Variants in HIRA observed in about 807,000 individuals in gnomAD.
HIRA encodes histone cell cycle regulator, also known as protein HIRA.
HIRA carries 13 observed loss-of-function variants against 126.6 expected under a neutral mutation model. The ratio of observed to expected loss-of-function variants is 0.10; its 90% confidence interval spans 0.07 to 0.16. The LOEUF (loss-of-function observed/expected upper bound fraction) is 0.16. Ranked by LOEUF, HIRA falls within the 10% of genes least tolerant of loss-of-function variation. The pLI, the probability that HIRA is intolerant of heterozygous loss-of-function variation, is 1.00. For synonymous variants in HIRA, 511 were observed against 520.0 expected, an observed-to-expected ratio of 0.98 and a Z score of 0.24; for missense variants, 834 against 1,314.4, an observed-to-expected ratio of 0.63 and a Z score of 5.65.
intron 13 of HIRA, among the ~76,000 whole-genome samples, chr22:19,380,065 C>A (rs916302993): frequency 5.9e-5 from 9 of 152,066 alleles, no homozygotes; most frequent in Non-Finnish European, 5.9e-5. Flanking sequence ...CCTCAGCCTC[C>A]GAAAGTGCTG....
At chr22:19,353,275 T>G in intron 23 of HIRA, 81 bp downstream of exon 23, 6 of 1,552,502 alleles carry the variant, frequency 3.9e-6, no homozygotes, top group Non-Finnish European at 5.3e-6. Context: ...ATCTTTTCCC[T>G]GATTTCACAG....
At chr22:19,340,547 C>T (rs1488788399) in intron 24 of HIRA, among the ~76,000 whole-genome samples, 3 of 152,056 alleles carry the variant, frequency 2.0e-5, no homozygotes, top group Non-Finnish European at 4.4e-5. Flanking sequence ...AAATAAAGGG[C>T]ATCCAAATAT....
intron 9 of HIRA, among the ~76,000 whole-genome samples, chr22:19,391,163 A>T (rs2089177644): frequency 6.6e-6 from 1 of 152,236 alleles, no homozygotes; most frequent in South Asian, 2.1e-4. Context: ...CACCGAAATT[A>T]TAAGGAATAA....
intron 1 of HIRA, among the ~76,000 whole-genome samples, chr22:19,430,462 G>A (rs1056180660): frequency 6.6e-6 from 1 of 152,248 alleles, no homozygotes; most frequent in East Asian, 1.9e-4. Flanking sequence ...ATCTATTCTC[G>A]CTCCTAAAGA....
rs1422357641 is a variant in HIRA, at chr22:19,397,986, C to G, written c.493+6G>C. ...TGCTGTTAACCAGTCAGAGGAGGCC[C>G]CAGACCTGGGAACTTTACAGCATTC... is the stretch of plus-strand genomic sequence containing the variant. On this transcript the variant is annotated splice_donor_region_variant and intron_variant, in intron 6 of 24. Coordinates refer to ENST00000263208, the MANE Select transcript of HIRA (RefSeq NM_003325.4). The G allele has an allele frequency of 1.2e-6, 2 of 1,612,236 alleles. No homozygotes were observed. Among genetic ancestry groups the G allele is most frequent in the African/African-American group, 2.7e-5 (2 of 74,822 alleles).
chr22:19,386,076 C>A (rs1324951906), intron 11 of HIRA, among the ~76,000 whole-genome samples: 1 of 152,226 alleles, frequency 6.6e-6, no homozygotes, highest in Admixed American at 6.5e-5. Context: ...AAGGTGCTAA[C>A]TTAAGGCTCT....
intron 24 of HIRA, among the ~76,000 whole-genome samples, chr22:19,349,646 A>G (rs2088732506): frequency 6.6e-6 from 1 of 152,204 alleles, no homozygotes; most frequent in African/African-American, 2.4e-5. Flanking sequence ...AAGTCTATGG[A>G]ACAATGCCTT....
At position 19,377,931 on chromosome 22, in the gene HIRA, A is replaced by G; in HGVS notation, c.1551T>C (p.Pro517=). 1 of 1,613,928 alleles carries G rather than the reference A, an allele frequency of 6.2e-7. No homozygotes were observed. Among genetic ancestry groups the G allele is most frequent in the South Asian group, 1.1e-5 (1 of 91,050 alleles). The change falls in exon 14 of 25, where the codon CCT becomes CCC. Residue 517 remains proline, a synonymous_variant. Transcript: ENST00000263208. ...STPNSFGASK[P]CTEPVVAASA... is the part of the protein sequence containing the mutation. ...TGGCAGCCACCACAGGCTCTGTGCAAGGCTTCGAGGCGCCGAAGGAGTTAG... is the reference window on the plus strand; with the variant it reads ...TGGCAGCCACCACAGGCTCTGTGCAGGGCTTCGAGGCGCCGAAGGAGTTAG...
In HIRA at chr22:19,431,252, G is replaced by C. The variant is rs576305691; in HGVS notation, c.37+188C>G. Among the ~76,000 whole-genome samples the C allele has an allele frequency of 1.8e-4, 28 of 152,306 alleles. No homozygotes were observed. The South Asian group carries it at 4.1e-3, about 23-fold the overall frequency. On this transcript the variant is annotated intron_variant, in intron 1 of 24. Transcript: ENST00000263208. ...GATGGCCCTCGCTGCGGTCAACCCG[G>C]AGCACGTGCTGGGGCTCACCAGCCT...
chr22:19,353,495 G>A lies in HIRA; in HGVS notation c.2709C>T (p.Leu903=). 6.2e-7 allele frequency: 1 copy of A among 1,611,108 alleles called. No individual in the cohort carries two copies. The highest frequency in any genetic ancestry group is 8.5e-7 in the Non-Finnish European group (1 of 1,179,176). Residue 903 remains leucine (L), a synonymous_variant, in exon 23 of 25, where the codon CTC becomes CTT. Transcript: ENST00000263208. ...TSNSGRQAAR[L]FSVPHVVQQE... is the part of the protein sequence containing the mutation. ...GCTGCACCACATGAGGCACGGAGAA[G>A]AGCCGGGCAGCCTGCCTTCCCGAGC... is the stretch of plus-strand genomic sequence containing the variant.
chr22:19,340,679 C>T (rs1225233970), intron 24 of HIRA, among the ~76,000 whole-genome samples: 2 of 152,112 alleles, frequency 1.3e-5, no homozygotes, highest in African/African-American at 4.8e-5. Flanking sequence ...TTTCAGGGTA[C>T]AAAATCAATG....
At chr22:19,353,148 C>A (rs772153817) in intron 23 of HIRA, among the ~76,000 whole-genome samples, 15 of 152,232 alleles carry the variant, frequency 9.9e-5, no homozygotes, top group Non-Finnish European at 1.8e-4. Flanking sequence ...TGCTTCTCTG[C>A]GGGAACACCC....
At chr22:19,416,496 C>T (rs929691659) in intron 1 of HIRA, among the ~76,000 whole-genome samples, 6 of 151,950 alleles carry the variant, frequency 3.9e-5, no homozygotes, top group South Asian at 2.1e-4. Context: ...CGCACCACCA[C>T]GCCTGGCTAA....
chr22:19,333,754 T>C (rs1177502515), intron 24 of HIRA, among the ~76,000 whole-genome samples: 5 of 152,232 alleles, frequency 3.3e-5, no homozygotes, highest in African/African-American at 1.2e-4. Context: ...GTAAGTCTCT[T>C]AGACTCTGTT....
At chr22:19,368,794 G>A (rs1232440691) in intron 15 of HIRA, among the ~76,000 whole-genome samples, 1 of 152,154 alleles carries the variant, frequency 6.6e-6, no homozygotes, top group Non-Finnish European at 1.5e-5. Flanking sequence ...GCGGGCGGTG[G>A]CTTCCTGAGC....
intron 7 of HIRA, among the ~76,000 whole-genome samples, chr22:19,396,260 A>T (rs1406906916): frequency 1.3e-5 from 2 of 152,238 alleles, no homozygotes; most frequent in African/African-American, 4.8e-5. Flanking sequence ...TCATGCTTGT[A>T]ATCCCAGCAC....
At chr22:19,369,425 G>A (rs917087675) in intron 15 of HIRA, among the ~76,000 whole-genome samples, 1 of 152,114 alleles carries the variant, frequency 6.6e-6, no homozygotes, top group African/African-American at 2.4e-5. Context: ...ACCAAGATAC[G>A]GCTTTACAGG....
chr22:19,385,407 A>C, intron 12 of HIRA, 114 bp downstream of exon 12: 1 of 1,017,824 alleles, frequency 9.8e-7, no homozygotes, highest in South Asian at 1.6e-5. Context: ...TGGCTAACCC[A>C]CAGATCCCGT....
At chr22:19,425,640 C>T (rs535918057) in intron 1 of HIRA, among the ~76,000 whole-genome samples, 1 of 152,112 alleles carries the variant, frequency 6.6e-6, no homozygotes, top group Non-Finnish European at 1.5e-5. Context: ...TAAGAAAATC[C>T]CATTTCCTGG....
Sources: gnomAD v4.1 joint callset for allele counts (sites outside exome capture counted in the v4.1 genomes callset) on GRCh38, gnomAD v4.1.1 for gene constraint, MANE v1.5 for transcripts, NCBI Gene and HGNC (gene_info 2026-07-23, HGNC 2026-07-21) for gene names.